INPP4B: variants seen among roughly 807,000 people sequenced by gnomAD.
INPP4B encodes inositol polyphosphate-4-phosphatase type II B.
In INPP4B, 55 loss-of-function variants were observed where a neutral mutation model predicts 122.5. The observed-to-expected ratio is 0.45, with a 90% CI of 0.36 to 0.56. The LOEUF is 0.56. Ranked by LOEUF, INPP4B falls within the 20% of genes least tolerant of loss-of-function variation. INPP4B has a pLI of 0.00. For synonymous variants in INPP4B, 403 were observed against 388.7 expected, an observed-to-expected ratio of 1.04 and a Z score of -0.43; for missense variants, 1,000 against 1,097.7, an observed-to-expected ratio of 0.91 and a Z score of 1.26.
At position 142,065,264 on chromosome 4, in the gene INPP4B, CAT is replaced by C. The variant is rs1474800816; in HGVS notation, c.2642+16765_2642+16766del. On this transcript the variant is annotated intron_variant, in intron 25 of 25. Transcript: ENST00000262992. ...ACACACACACACACACACACACACA[CAT>C]ACATAGTGAAAGCCTATTAAAGAAT... Among the ~76,000 whole-genome samples, 150 of 139,388 alleles carry C rather than the reference CAT, an allele frequency of 1.1e-3. 3 individuals carry two copies. The highest frequency in any genetic ancestry group is 3.0e-3 in the African/African-American group (117 of 38,464). The allele number at this position is 139,388 out of a possible 152,430, so 91.4% of individuals were successfully genotyped here.
chr4:142,363,431 A>G (rs1329444939), intron 7 of INPP4B, among the ~76,000 whole-genome samples: 1 of 151,924 alleles, frequency 6.6e-6, no homozygotes, highest in Admixed American at 6.6e-5. Context: ...ACATGTGTAT[A>G]TATTTATATA....
At position 142,293,751 on chromosome 4, in the gene INPP4B, C is replaced by T. The variant is rs190976624; in HGVS notation, c.503+11707G>A. 5.3e-5 allele frequency among the ~76,000 whole-genome samples: 8 copies of T among 152,262 alleles called. No homozygotes were observed. The South Asian group carries it at 8.3e-4, about 16-fold the overall frequency. ...ACAGACAACAGTGAATGTCATTTAA[C>T]GGTTTAGGGTAGAAATTCCTGAGCT... is the stretch of plus-strand genomic sequence containing the variant. On this transcript the variant is annotated intron_variant, in intron 9 of 25. Transcript: ENST00000262992.
chr4:142,835,726 T>G (rs968611151), intron 1 of INPP4B, among the ~76,000 whole-genome samples: 2 of 152,244 alleles, frequency 1.3e-5, no homozygotes, highest in South Asian at 2.1e-4. Context: ...TTATGACACC[T>G]GAGTGAGCTG....
chr4:142,300,985 A>G (rs1181131574), intron 9 of INPP4B, among the ~76,000 whole-genome samples: 1 of 152,144 alleles, frequency 6.6e-6, no homozygotes, highest in Non-Finnish European at 1.5e-5. Context: ...TAGGTTATAA[A>G]AGAAATAATA....
In INPP4B at chr4:142,171,781, G is replaced by T. The variant is rs546947370; in HGVS notation, c.1359+1851C>A. ...TCAGTAGAAAAGAGAAAACATAGGG[G>T]AAAAAGTTGGAGCAATGCTGGATTC... On this transcript the variant is annotated intron_variant, in intron 16 of 25. Coordinates refer to ENST00000262992, the MANE Select transcript of INPP4B (RefSeq NM_001101669.3). 2.6e-5 allele frequency among the ~76,000 whole-genome samples: 4 copies of T among 151,792 alleles called. No homozygotes were observed. The South Asian group carries it at 8.3e-4, about 31-fold the overall frequency.
Position 142,028,074 on chromosome 4 carries a change from A to G in INPP4B, c.*708T>C. 1.3e-5 allele frequency: 3 copies of G among 224,352 alleles called. No homozygotes were observed. Among genetic ancestry groups the G allele is most frequent in the Non-Finnish European group, 2.7e-5 (3 of 112,426 alleles). 13.9% of individuals were successfully genotyped at this position (224,352 alleles called of 1,614,324 possible). ...AGTGTTTTGCTTATCATTCTATTAA[A>G]CGTTCTATATTGCTACATTCACAGC... On this transcript the variant is annotated 3_prime_UTR_variant, in exon 26 of 26. Transcript: ENST00000262992.
intron 2 of INPP4B, among the ~76,000 whole-genome samples, chr4:142,627,239 T>C (rs939492208): frequency 6.6e-6 from 1 of 151,858 alleles, no homozygotes. Flanking sequence ...TTGAATACCC[T>C]TTATTTCCTT....
intron 2 of INPP4B, among the ~76,000 whole-genome samples, chr4:142,578,478 G>A (rs1026155989): frequency 2.6e-5 from 4 of 152,018 alleles, no homozygotes; most frequent in African/African-American, 9.6e-5. Flanking sequence ...TTGGCAGGTT[G>A]GTTTTCTCCT....
intron 11 of INPP4B, among the ~76,000 whole-genome samples, chr4:142,238,569 T>A (rs1857662081): frequency 6.6e-6 from 1 of 152,096 alleles, no homozygotes; most frequent in Non-Finnish European, 1.5e-5. Context: ...AAAGGTTCAC[T>A]CTTTTGTCTT....
intron 11 of INPP4B, among the ~76,000 whole-genome samples, chr4:142,254,729 T>G (rs1734700183): frequency 6.6e-6 from 1 of 152,160 alleles, no homozygotes; most frequent in East Asian, 1.9e-4. Context: ...TACGTCTGAT[T>G]GGTGTACCTG....
intron 12 of INPP4B, among the ~76,000 whole-genome samples, chr4:142,234,037 T>G (rs536577535): frequency 6.6e-4 from 101 of 152,320 alleles, no homozygotes; most frequent in Middle Eastern, 3.4e-3. Flanking sequence ...ACTGTTCCAC[T>G]GGGTTCTACA....
At chr4:142,257,733 C>A (rs1363780531) in intron 11 of INPP4B, among the ~76,000 whole-genome samples, 2 of 152,176 alleles carry the variant, frequency 1.3e-5, no homozygotes, top group African/African-American at 4.8e-5. Context: ...ACATTCTATG[C>A]TCATGGGTAG....
At chr4:142,319,725 G>T (rs970714134) in intron 7 of INPP4B, among the ~76,000 whole-genome samples, 1 of 152,174 alleles carries the variant, frequency 6.6e-6, no homozygotes, top group Non-Finnish European at 1.5e-5. Context: ...TCTTTACGTG[G>T]TGGCTGAGCT....
At chr4:142,614,099 C>T (rs1743174297) in intron 2 of INPP4B, among the ~76,000 whole-genome samples, 1 of 151,984 alleles carries the variant, frequency 6.6e-6, no homozygotes, top group South Asian at 2.1e-4. Context: ...ATCAATGGAA[C>T]AGAACAAAGA....
intron 2 of INPP4B, among the ~76,000 whole-genome samples, chr4:142,507,534 T>C (rs1824178693): frequency 6.6e-6 from 1 of 151,798 alleles, no homozygotes; most frequent in African/African-American, 2.4e-5. Context: ...CTAGATAAAG[T>C]TCCTACTACG....
chr4:142,061,560 T>C (rs1269211162), intron 25 of INPP4B, among the ~76,000 whole-genome samples: 1 of 152,150 alleles, frequency 6.6e-6, no homozygotes, highest in Non-Finnish European at 1.5e-5. Flanking sequence ...TTTACACCTA[T>C]TCTTTTCTCA....
At chr4:142,490,062 T>C (rs1327814664) in intron 2 of INPP4B, among the ~76,000 whole-genome samples, 1 of 152,010 alleles carries the variant, frequency 6.6e-6, no homozygotes, top group African/African-American at 2.4e-5. Flanking sequence ...TTTTATGGTT[T>C]TATTATAATT....
chr4:142,210,038 T>C (rs1010463655), intron 12 of INPP4B, among the ~76,000 whole-genome samples: 1 of 152,150 alleles, frequency 6.6e-6, no homozygotes, highest in African/African-American at 2.4e-5. Flanking sequence ...TTTAAAACTA[T>C]AGTGATAAAT....
intron 2 of INPP4B, among the ~76,000 whole-genome samples, chr4:142,573,129 C>A (rs571068436): frequency 6.6e-6 from 1 of 151,754 alleles, no homozygotes; most frequent in African/African-American, 2.4e-5. Context: ...CATGGTGGAG[C>A]AGGGGAGAGA....
Sources: gnomAD v4.1 joint callset for allele counts (sites outside exome capture counted in the v4.1 genomes callset) on GRCh38, gnomAD v4.1.1 for gene constraint, MANE v1.5 for transcripts, NCBI Gene and HGNC (gene_info 2026-07-23, HGNC 2026-07-21) for gene names.